The following MYO3B variants were observed in gnomAD, a reference collection of about 807,000 sequenced individuals.
The protein encoded by MYO3B is myosin IIIB, also known as myosin-IIIb.
A neutral mutation model predicts 174.6 loss-of-function variants in MYO3B; 156 were observed. The ratio of observed to expected loss-of-function variants is 0.89; its 90% CI spans 0.78 to 1.02. The LOEUF is 1.02. MYO3B is among the 50% of genes least tolerant of loss of function. MYO3B has a pLI of 0.00. For synonymous variants in MYO3B, 563 were observed against 569.1 expected, an observed-to-expected ratio of 0.99 and a Z score of 0.15; for missense variants, 1,632 against 1,639.4, an observed-to-expected ratio of 1.00 and a Z score of 0.08.
intron 22 of MYO3B, among the ~76,000 whole-genome samples, chr2:170,410,947 C>A (rs1376868499): frequency 6.6e-6 from 1 of 151,994 alleles, no homozygotes; most frequent in Non-Finnish European, 1.5e-5. Context: ...ACTCAGGAGG[C>A]TGAGGCAGGA....
At chr2:170,561,170 T>C (rs915997272) in intron 32 of MYO3B, among the ~76,000 whole-genome samples, 4 of 152,188 alleles carry the variant, frequency 2.6e-5, no homozygotes, top group African/African-American at 7.2e-5. Context: ...TATTTAACAC[T>C]GGGAGGGCAC....
intron 25 of MYO3B, among the ~76,000 whole-genome samples, chr2:170,486,117 T>A (rs904215291): frequency 6.6e-6 from 1 of 152,046 alleles, no homozygotes; most frequent in African/African-American, 2.4e-5. Flanking sequence ...AGGTGTATGT[T>A]GGGGAGACTA....
chr2:170,624,964 T>G (rs1045796903), intron 32 of MYO3B, among the ~76,000 whole-genome samples: 15 of 152,348 alleles, frequency 9.8e-5, no homozygotes, highest in Middle Eastern at 3.4e-3. Flanking sequence ...TGGATTCGGT[T>G]TGCCAGTATT....
At chr2:170,488,729 C>T (rs1364843148) in intron 25 of MYO3B, among the ~76,000 whole-genome samples, 4 of 152,126 alleles carry the variant, frequency 2.6e-5, no homozygotes, top group East Asian at 1.9e-4. Context: ...ACAGAATTTA[C>T]ATATCTATTT....
At chr2:170,607,541 C>T (rs1694891489) in intron 32 of MYO3B, among the ~76,000 whole-genome samples, 1 of 145,030 alleles carries the variant, frequency 6.9e-6, no homozygotes, top group African/African-American at 2.5e-5. Flanking sequence ...AGTTTCATGA[C>T]CATTCCTGAA....
chr2:170,535,567 G>A (rs1205261424), intron 30 of MYO3B, among the ~76,000 whole-genome samples: 1 of 152,174 alleles, frequency 6.6e-6, no homozygotes, highest in Non-Finnish European at 1.5e-5. Context: ...AAATTATGCT[G>A]AGGCTGAGAG....
At chr2:170,539,082 C>T (rs1689910636) in intron 30 of MYO3B, among the ~76,000 whole-genome samples, 1 of 152,134 alleles carries the variant, frequency 6.6e-6, no homozygotes, top group Non-Finnish European at 1.5e-5. Context: ...TTATCCAGGC[C>T]AGGATCCGAT....
intron 7 of MYO3B, among the ~76,000 whole-genome samples, chr2:170,273,894 A>T (rs2093443483): frequency 6.6e-6 from 1 of 152,178 alleles, no homozygotes; most frequent in African/African-American, 2.4e-5. Context: ...ACCCCACTTT[A>T]AATGGCAGTG....
intron 32 of MYO3B, among the ~76,000 whole-genome samples, chr2:170,634,496 G>C (rs972935858): frequency 2.1e-4 from 32 of 152,162 alleles, no homozygotes; most frequent in Admixed American, 6.5e-5. Flanking sequence ...TTACATGTTA[G>C]ACCTAAAACC....
chr2:170,587,371 C>T (rs1220862917), intron 32 of MYO3B, among the ~76,000 whole-genome samples: 1 of 152,070 alleles, frequency 6.6e-6, no homozygotes, highest in East Asian at 1.9e-4. Flanking sequence ...CATTATGGCC[C>T]CTAAGTGTAC....
At chr2:170,279,100 A>G (rs1322583606) in intron 7 of MYO3B, among the ~76,000 whole-genome samples, 1 of 152,104 alleles carries the variant, frequency 6.6e-6, no homozygotes, top group Non-Finnish European at 1.5e-5. Context: ...ATGGGGGTGC[A>G]TGTATCCCTT....
intron 32 of MYO3B, among the ~76,000 whole-genome samples, chr2:170,636,950 TTTTGTGCGTG>T (rs1697535868): frequency 9.4e-6 from 1 of 106,100 alleles, no homozygotes; most frequent in Non-Finnish European, 1.9e-5. Context: ...AAGCATTTGC[TTTTGTGCGTG>T]TGTGTGTGTG....
Position 170,649,150 on chromosome 2 carries a change from A to G in MYO3B, c.3734-2478A>G, listed in dbSNP as rs866344044. Among the ~76,000 whole-genome samples, 192 of 71,314 alleles carry G rather than the reference A, an allele frequency of 2.7e-3. 13 individuals are homozygous for G. The highest frequency in any genetic ancestry group is 6.5e-3 in the African/African-American group (102 of 15,708). The allele number at this position is 71,314 out of a possible 152,430, so 46.8% of individuals were successfully genotyped here. A position where few individuals can be genotyped will look rare whatever the true frequency, so the allele number is the denominator to read the frequency against. ...TATATAAAATAATATATAATATATT[A>G]TATATAAAATAATATATAATATATT... On this transcript the variant is annotated intron_variant, in intron 32 of 34. Coordinates refer to ENST00000408978, the MANE Select transcript of MYO3B (RefSeq NM_138995.5).
intron 7 of MYO3B, 62 bp from the exon 8 acceptor site, chr2:170,335,323 T>C (rs2093939820): frequency 8.2e-7 from 1 of 1,222,448 alleles, no homozygotes; most frequent in African/African-American, 1.5e-5. Flanking sequence ...TAAAAACAAG[T>C]TGATATTTTG....
At chr2:170,183,422 T>G (rs949307600) in intron 1 of MYO3B, among the ~76,000 whole-genome samples, 11 of 152,208 alleles carry the variant, frequency 7.2e-5, no homozygotes, top group African/African-American at 2.7e-4. Context: ...TGCTCTGTTC[T>G]CGTTAGGTTT....
At chr2:170,259,626 T>C (rs2093330251) in intron 7 of MYO3B, among the ~76,000 whole-genome samples, 1 of 152,210 alleles carries the variant, frequency 6.6e-6, no homozygotes, top group Non-Finnish European at 1.5e-5. Flanking sequence ...AATGCTATTA[T>C]GGACATTGGC....
intron 32 of MYO3B, among the ~76,000 whole-genome samples, chr2:170,622,170 C>A (rs1695978236): frequency 6.6e-6 from 1 of 152,146 alleles, no homozygotes. Context: ...TGTAAGAAAG[C>A]CTGAACTACT....
intron 7 of MYO3B, among the ~76,000 whole-genome samples, chr2:170,269,585 A>G (rs1177486171): frequency 1.3e-5 from 2 of 152,218 alleles, no homozygotes; most frequent in African/African-American, 4.8e-5. Context: ...CACTTGGCAC[A>G]CTTGGCTTTT....
chr2:170,420,770 A>G (rs993797553), intron 22 of MYO3B, among the ~76,000 whole-genome samples: 1 of 152,150 alleles, frequency 6.6e-6, no homozygotes, highest in Non-Finnish European at 1.5e-5. Flanking sequence ...TGTTTCATTT[A>G]TATACCAAAC....
Sources: allele counts gnomAD v4.1 joint callset (sites outside exome capture counted in the v4.1 genomes callset), GRCh38; gene constraint gnomAD v4.1.1; transcripts MANE v1.5; gene names NCBI Gene and HGNC (gene_info 2026-07-23, HGNC 2026-07-21).